ING3: variants seen among roughly 807,000 people sequenced by gnomAD.
ING3 encodes the protein inhibitor of growth family member 3, also known as inhibitor of growth protein 3.
Under a neutral mutation model 64.8 loss-of-function variants are expected in ING3, and 6 were observed. That is an observed-to-expected ratio of 0.09 (90% CI 0.05 to 0.18). The LOEUF (loss-of-function observed/expected upper bound fraction) is 0.18. Among genes scored for constraint, ING3 ranks in the 10% least tolerant of loss-of-function variants. ING3 has a pLI of 1.00. For missense variants in ING3, 310 were observed against 489.7 expected (o/e 0.63, Z 3.46); for synonymous variants, 170 against 173.7 (o/e 0.98, Z 0.17).
chr7:120,952,256 G>A (rs1795777651), intron 2 of ING3, among the ~76,000 whole-genome samples: 1 of 152,164 alleles, frequency 6.6e-6, no homozygotes. Flanking sequence ...TGTCAGATCT[G>A]AGTTTGTTTT....
Position 120,968,039 on chromosome 7 carries a change from G to A in ING3, c.662G>A (p.Gly221Asp). ...ATTGGCTCGTTATCTTCAGGAACTG[G>A]TGCAGGGGCAATTACCATGGCAGCT... ...YNIGSLSSGT[G>D]AGAITMAAAQ... is the part of the protein sequence containing the mutation. The change falls in exon 8 of 12, where the codon GGT becomes GAT. Residue 221 changes from glycine (G) to aspartate (D), a missense_variant. By Grantham distance (94) the Gly-to-Asp change is moderately conservative. Around this residue, in one of 3 missense-constraint regions of ING3, gnomAD observed 233 missense variants for 289.4 expected, o/e 0.81. Transcript: ENST00000315870. 1 of 1,614,084 alleles carries A rather than the reference G, an allele frequency of 6.2e-7. No homozygotes were observed.
rs1360773410 is a variant in ING3, at chr7:120,956,645, A to G, written c.267+1021A>G. The G allele has an allele frequency of 3.0e-6, 3 of 987,334 alleles. No individual in the cohort carries two copies. In the East Asian group the frequency reaches 3.4e-4, roughly 112 times the overall value. 61.2% of individuals were successfully genotyped at this position (987,334 alleles called of 1,614,324 possible). On this transcript the variant is annotated intron_variant, in intron 4 of 11. Transcript: ENST00000315870. ...ATTTCATAAAAGACACTGCCTAAAG[A>G]TAGGTAGAATAGGCTGTAGCTTGAT... is the stretch of plus-strand genomic sequence containing the variant.
chr7:120,967,765 T>C (rs1323926678), intron 7 of ING3, 117 bp downstream of exon 7: 4 of 1,301,530 alleles, frequency 3.1e-6, no homozygotes, highest in African/African-American at 1.5e-5. Context: ...AGTATACATA[T>C]GGAGAAAGAA....
intron 11 of ING3, 21 bp from the exon 12 acceptor site, chr7:120,974,707 T>G (rs1346563664): frequency 1.3e-6 from 2 of 1,535,062 alleles, no homozygotes; most frequent in Non-Finnish European, 1.8e-6. Flanking sequence ...AAAACTTGTT[T>G]TTTGCAATTT....
At chr7:120,951,106 A>G (rs1795756130) in intron 1 of ING3, 58 bp from the exon 2 acceptor site, 5 of 1,578,664 alleles carry the variant, frequency 3.2e-6, no homozygotes, top group Middle Eastern at 1.7e-4. Context: ...GCGCGCAGTG[A>G]CGTAAGCGCG....
chr7:120,956,852 C>T, intron 4 of ING3: 1 of 937,672 alleles, frequency 1.1e-6, no homozygotes, highest in Non-Finnish European at 1.3e-6. Context: ...CTTTTTAATT[C>T]ATATAGCTCT....
intron 2 of ING3, among the ~76,000 whole-genome samples, 156 bp downstream of exon 2, chr7:120,951,391 G>T (rs997692342): frequency 6.6e-6 from 1 of 152,166 alleles, no homozygotes; most frequent in Admixed American, 6.5e-5. Flanking sequence ...CCTGAATCTC[G>T]CCTTCCCCTT....
At chr7:120,962,008 A>G (rs1200250881) in intron 4 of ING3, among the ~76,000 whole-genome samples, 1 of 152,168 alleles carries the variant, frequency 6.6e-6, no homozygotes, top group African/African-American at 2.4e-5. Flanking sequence ...GCTTTGCTTG[A>G]TGCCTGTGGG....
At chr7:120,956,500 C>A in intron 4 of ING3, 2 of 1,065,588 alleles carry the variant, frequency 1.9e-6, no homozygotes, top group Non-Finnish European at 2.3e-6. Context: ...GCTTATACCA[C>A]AAACTTGAAA....
chr7:120,974,039 C>T (rs1044984049), intron 11 of ING3, among the ~76,000 whole-genome samples: 1 of 152,162 alleles, frequency 6.6e-6, no homozygotes, highest in Non-Finnish European at 1.5e-5. Flanking sequence ...CCCTTGTAGG[C>T]TGTTTGTGGT....
intron 1 of ING3, 39 bp downstream of exon 1, chr7:120,950,963 TGCGGGCGGGCAAGAGCGCGA>T: frequency 6.6e-7 from 1 of 1,519,046 alleles, no homozygotes; most frequent in Admixed American, 1.8e-5. Context: ...CAGTGGGACG[TGCGGGCGGGCAAGAGCGCGA>T]GTGGACGGGC....
At chr7:120,969,651 G>A (rs916991050) in intron 9 of ING3, among the ~76,000 whole-genome samples, 1 of 151,852 alleles carries the variant, frequency 6.6e-6, no homozygotes, top group Admixed American at 6.6e-5. Context: ...CCCAAAAACT[G>A]ATGGTGTAAA....
At chr7:120,967,440 T>C in intron 6 of ING3, 89 bp from the exon 7 acceptor site, 1 of 918,474 alleles carries the variant, frequency 1.1e-6, no homozygotes, top group East Asian at 2.8e-5. Flanking sequence ...CAGATCATAC[T>C]GTTTCACATT....
chr7:120,973,184 C>T (rs1274866705), intron 10 of ING3, 21 bp from the exon 11 acceptor site: 3 of 1,377,866 alleles, frequency 2.2e-6, no homozygotes, highest in East Asian at 4.6e-5. Context: ...ATAATAAAGA[C>T]ATTTAATTTT....
intron 2 of ING3, among the ~76,000 whole-genome samples, 199 bp from the exon 3 acceptor site, chr7:120,953,105 T>G (rs2116647790): frequency 6.6e-6 from 1 of 152,248 alleles, no homozygotes; most frequent in South Asian, 2.1e-4. Flanking sequence ...AAATAATCTG[T>G]CAATAAGGAA....
In ING3 at chr7:120,967,522, T is replaced by C. The variant is rs201649236; in HGVS notation, c.437-7T>C. ...TAAAAACACATGAATTTTTTATTTA[T>C]ATTTAGAAAGGAAATATAATCCAAC... On this transcript the variant is annotated splice_region_variant and splice_polypyrimidine_tract_variant and intron_variant, in intron 6 of 11. Transcript: ENST00000315870. The C allele has an allele frequency of 1.7e-4, 261 of 1,517,702 alleles. 2 individuals carry two copies. The East Asian group carries it at 4.6e-3, about 27-fold the overall frequency. 94.0% of individuals were successfully genotyped at this position (1,517,702 alleles called of 1,614,324 possible). A position where few individuals can be genotyped will look rare whatever the true frequency, so the allele number is the denominator to read the frequency against.
chr7:120,953,351 G>A lies in ING3; in HGVS notation c.148G>A (p.Ala50Thr). ...AAGAGTCAGTGAATTCTTTATGAAT[G>A]CAAAGAAAAATAAACCTGAGTGGAG... ...EQRVSEFFMNAKKNKPEWREE... is the reference protein window; with the variant it reads ...EQRVSEFFMNTKKNKPEWREE... Residue 50 changes from alanine to threonine, a missense_variant, in exon 3 of 12, where the codon GCA becomes ACA. Ala to Thr is a moderately conservative substitution (Grantham distance 58, BLOSUM62 0). Transcript: ENST00000315870. 6.2e-7 allele frequency: 1 copy of A among 1,607,242 alleles called. No homozygotes were observed. Among genetic ancestry groups the A allele is most frequent in the Non-Finnish European group, 8.5e-7 (1 of 1,177,090 alleles).
At chr7:120,971,505 A>G (rs909158519) in intron 10 of ING3, among the ~76,000 whole-genome samples, 2 of 152,210 alleles carry the variant, frequency 1.3e-5, no homozygotes, top group African/African-American at 4.8e-5. Flanking sequence ...ACACGTGTCT[A>G]TGCAGATTTG....
chr7:120,966,313 A>G (rs79258881), intron 5 of ING3, among the ~76,000 whole-genome samples: 18,310 of 152,190 alleles, frequency 0.12, 1,623 homozygotes, highest in East Asian at 0.3. Flanking sequence ...TGAGATTACA[A>G]TGTCCATTCA....
Sources: allele counts gnomAD v4.1 joint callset (sites outside exome capture counted in the v4.1 genomes callset), GRCh38; gene constraint gnomAD v4.1.1; regional missense constraint gnomAD v4.1.1; transcripts MANE v1.5; gene names NCBI Gene and HGNC (gene_info 2026-07-23, HGNC 2026-07-21).